The following CNOT3 variants were observed in gnomAD, a reference collection of about 807,000 sequenced individuals.
The protein encoded by CNOT3 is CCR4-associated factor 3.
A neutral mutation model predicts 89.4 loss-of-function variants in CNOT3; 2 were observed. The ratio of observed to expected loss-of-function variants is 0.02; its 90% CI spans 0.01 to 0.07. The LOEUF (loss-of-function observed/expected upper bound fraction) is 0.07, where lower values mean the gene tolerates loss of function less well. Ranked by LOEUF, CNOT3 falls within the 10% of genes least tolerant of loss-of-function variation. CNOT3 has a pLI of 1.00. For missense variants in CNOT3, 664 were observed against 1,010.2 expected (o/e 0.66, Z 4.65); for synonymous variants, 486 against 402.0 (o/e 1.21, Z -2.50).
At chr19:54,153,313 C>T (rs1171011849) in intron 16 of CNOT3, 1 of 761,790 alleles carries the variant, frequency 1.3e-6, no homozygotes, top group Non-Finnish European at 2.4e-6. Context: ...CCAGTCTAGG[C>T]CGACCCCACT....
intron 13 of CNOT3, among the ~76,000 whole-genome samples, chr19:54,150,261 G>GC (rs36084535): frequency 0.35 from 52,446 of 151,880 alleles, 9,215 homozygotes; most frequent in Non-Finnish European, 0.37. Context: ...GCCCAGGAAG[G>GC]TCTGAGAGGG....
In CNOT3 at chr19:54,146,590, C is replaced by G; in HGVS notation, c.838-11C>G. ...GTCACACAGGTTTCTATTCTGCCTC[C>G]CCTACCTCAGGAAAACTCTGAAGAT... On this transcript the variant is annotated splice_polypyrimidine_tract_variant and intron_variant, in intron 9 of 17. Transcript: ENST00000221232. The G allele has an allele frequency of 1.4e-6, 2 of 1,399,268 alleles. No homozygotes were observed. The highest frequency in any genetic ancestry group is 2.0e-6 in the Non-Finnish European group (2 of 984,178). The allele number at this position is 1,399,268 out of a possible 1,614,324, so 86.7% of individuals were successfully genotyped here.
At chr19:54,153,095 C>G in intron 16 of CNOT3, 96 bp downstream of exon 16, 1 of 1,290,472 alleles carries the variant, frequency 7.7e-7, no homozygotes. Context: ...GGGTGCCCCA[C>G]TGCGGCCACT....
chr19:54,153,236 C>G, intron 16 of CNOT3: 1 of 763,456 alleles, frequency 1.3e-6, no homozygotes, highest in South Asian at 1.3e-5. Flanking sequence ...CTGAGGCACA[C>G]CTCAGCCCCG....
intron 10 of CNOT3, 80 bp downstream of exon 10, chr19:54,146,737 G>A (rs370716584): frequency 1.2e-4 from 101 of 828,784 alleles, no homozygotes; most frequent in East Asian, 8.2e-4. Flanking sequence ...CCTGAGCGCC[G>A]GCCACTGTGC....
chr19:54,143,549 C>G, intron 4 of CNOT3, 33 bp downstream of exon 4: 1 of 1,611,548 alleles, frequency 6.2e-7, no homozygotes, highest in Middle Eastern at 1.7e-4. Flanking sequence ...CGCCTTTGTC[C>G]TGAGGGTAGA....
Position 54,151,020 on chromosome 19 carries a change from A to G in CNOT3, c.1606-1206A>G, listed in dbSNP as rs145171637. Among the ~76,000 whole-genome samples, 1,369 of 152,124 alleles carry G rather than the reference A, an allele frequency of 9.0e-3. 26 individuals are homozygous for G. The highest frequency in any genetic ancestry group is 0.031 in the African/African-American group (1,270 of 41,486). On this transcript the variant is annotated intron_variant, in intron 13 of 17. Transcript: ENST00000221232. ...TGGTCAGGCAGGTCTTGAACTCCGA[A>G]CCTCAGGTGATCCACCCACCTTGAC... is the stretch of plus-strand genomic sequence containing the variant.
intron 13 of CNOT3, among the ~76,000 whole-genome samples, chr19:54,149,979 G>A (rs1396557316): frequency 6.6e-6 from 1 of 152,028 alleles, no homozygotes; most frequent in African/African-American, 2.4e-5. Context: ...TCCCTCCAAA[G>A]CTCTGTTTCT....
intron 16 of CNOT3, chr19:54,153,472 C>T (rs1338195792): frequency 2.6e-6 from 2 of 776,394 alleles, no homozygotes; most frequent in East Asian, 2.4e-5. Context: ...TCTCATCACA[C>T]ATTAGTTTTT....
intron 1 of CNOT3, among the ~76,000 whole-genome samples, chr19:54,139,337 C>T (rs1377616127): frequency 6.6e-6 from 1 of 152,168 alleles, no homozygotes; most frequent in Non-Finnish European, 1.5e-5. Context: ...AGATCCCACA[C>T]TGTGGGTTTG....
Position 54,153,705 on chromosome 19 carries a change from C to G in CNOT3, c.2038-10C>G. On this transcript the variant is annotated splice_polypyrimidine_tract_variant and intron_variant, in intron 16 of 17. Coordinates refer to ENST00000221232, the MANE Select transcript of CNOT3 (RefSeq NM_014516.4). ...CCCCCTGATCCCCCTCTCCACTGTT[C>G]CTCCCCCAGGGCACTAAGGCACAGT... The G allele has an allele frequency of 6.2e-7, 1 of 1,613,346 alleles. No individual in the cohort carries two copies. The highest frequency in any genetic ancestry group is 8.5e-7 in the Non-Finnish European group (1 of 1,179,342).
chr19:54,142,062 C>T (rs897645843), intron 1 of CNOT3: 22 of 152,260 alleles, frequency 1.4e-4, no homozygotes, highest in African/African-American at 5.3e-4. Flanking sequence ...GTCTATGTCT[C>T]CCTGACTCTA....
rs779266927 is a variant in CNOT3, at chr19:54,145,505, A to T, written c.484-93A>T. The T allele has an allele frequency of 2.3e-6, 2 of 858,036 alleles. No homozygotes were observed. The highest frequency in any genetic ancestry group is 2.0e-5 in the Admixed American group (1 of 49,452). 53.2% of individuals were successfully genotyped at this position (858,036 alleles called of 1,614,324 possible). A position where few individuals can be genotyped will look rare whatever the true frequency, so the allele number is the denominator to read the frequency against. Reference sequence around the variant, plus strand: ...TGGCGTGGAGGCTTTGGGTCTCCACAGGGGTCAGGGACTGAGGACAGGTTC... The same window carrying T: ...TGGCGTGGAGGCTTTGGGTCTCCACTGGGGTCAGGGACTGAGGACAGGTTC... On this transcript the variant is annotated intron_variant, in intron 7 of 17. Transcript: ENST00000221232. This position sits in a 1 kb window ranked among gnomAD's most constrained non-coding sequence, Gnocchi z 5.9.
In CNOT3 at chr19:54,143,030, T is replaced by C. The variant is rs112302197; in HGVS notation, c.25+27T>C. On this transcript the variant is annotated intron_variant, in intron 2 of 17. Transcript: ENST00000221232. ...TACTAGACTGACTTCCTGCTGCACC[T>C]GTAGCCACATGCTCCCTCTTCTGAG... 4.7e-4 allele frequency: 757 copies of C among 1,613,890 alleles called. 2 individuals carry two copies. The African/African-American group carries it at 7.3e-3, about 16-fold the overall frequency.
chr19:54,139,472 A>G (rs1334516294), intron 1 of CNOT3, among the ~76,000 whole-genome samples: 1 of 152,006 alleles, frequency 6.6e-6, no homozygotes, highest in African/African-American at 2.4e-5. Context: ...CTGTACTGCG[A>G]GGTGGGGGCT....
At chr19:54,139,757 C>T (rs766303682) in intron 1 of CNOT3, among the ~76,000 whole-genome samples, 12 of 152,086 alleles carry the variant, frequency 7.9e-5, no homozygotes, top group African/African-American at 1.4e-4. Context: ...ACCTGAGTCT[C>T]AAGCGGGAGA....
Position 54,145,496 on chromosome 19 carries a change from G to A in CNOT3, c.484-102G>A. On this transcript the variant is annotated intron_variant, in intron 7 of 17. Transcript: ENST00000221232. The surrounding 1 kb of genome is among the most constrained non-coding windows in gnomAD (Gnocchi z 5.9). ...CGAAGGGGATGGCGTGGAGGCTTTGGGTCTCCACAGGGGTCAGGGACTGAG... is the reference window on the plus strand; with the variant it reads ...CGAAGGGGATGGCGTGGAGGCTTTGAGTCTCCACAGGGGTCAGGGACTGAG... 1.3e-6 allele frequency: 1 copy of A among 779,794 alleles called. No homozygotes were observed. The highest frequency in any genetic ancestry group is 2.2e-6 in the Non-Finnish European group (1 of 454,948). The allele number at this position is 779,794 out of a possible 1,614,324, so 48.3% of individuals were successfully genotyped here. A position where few individuals can be genotyped will look rare whatever the true frequency, so the allele number is the denominator to read the frequency against.
At chr19:54,151,552 T>C (rs2075109471) in intron 13 of CNOT3, among the ~76,000 whole-genome samples, 1 of 152,236 alleles carries the variant, frequency 6.6e-6, no homozygotes, top group Non-Finnish European at 1.5e-5. Context: ...CCTTGGCGAC[T>C]GACTCGTTGT....
chr19:54,138,979 C>T (rs1420731554), intron 1 of CNOT3, among the ~76,000 whole-genome samples: 1 of 152,206 alleles, frequency 6.6e-6, no homozygotes, highest in Non-Finnish European at 1.5e-5. Context: ...GTGGGCGTCT[C>T]CCAGTGATAT....
Sources: gnomAD v4.1 joint callset for allele counts (sites outside exome capture counted in the v4.1 genomes callset) on GRCh38, gnomAD v4.1.1 for gene constraint, Gnocchi (gnomAD v3.1) non-coding constraint, MANE v1.5 for transcripts, NCBI Gene and HGNC (gene_info 2026-07-23, HGNC 2026-07-21) for gene names.